Variants in ARSJ observed in about 807,000 individuals in gnomAD.
ARSJ encodes arylsulfatase J.
In ARSJ, 26 loss-of-function variants were observed where a neutral mutation model predicts 35.9. The observed-to-expected ratio is 0.72, with a 90% CI of 0.53 to 1.00. The LOEUF (loss-of-function observed/expected upper bound fraction) is 1.00. ARSJ is among the 50% of genes least tolerant of loss of function. ARSJ has a pLI of 0.00. For missense variants in ARSJ, 667 were observed against 723.6 expected (o/e 0.92, Z 0.90); for synonymous variants, 294 against 267.6 (o/e 1.10, Z -0.96).
At position 113,902,570 on chromosome 4, in the gene ARSJ, G is replaced by A; in HGVS notation, c.1504C>T (p.Pro502Ser). Residue 502 changes from proline to serine, a missense_variant, in exon 2 of 2, where the codon CCA (proline) becomes TCA (serine). By Grantham distance (74) the Pro-to-Ser change is moderately conservative (BLOSUM62 -1). Transcript: ENST00000315366. Reference protein sequence around the residue: ...SVWLFNITADPYERVDLSNRY... With the variant: ...SVWLFNITADSYERVDLSNRY... ...TTAGATAGGTCCACCCTCTCATATG[G>A]GTCGGCTGTGATGTTGAAAAGCCAT... 4 of 1,614,100 alleles carry A rather than the reference G, an allele frequency of 2.5e-6. No homozygotes were observed. Among genetic ancestry groups the A allele is most frequent in the Non-Finnish European group, 3.4e-6 (4 of 1,180,030 alleles).
intron 1 of ARSJ, among the ~76,000 whole-genome samples, chr4:113,922,823 AC>A (rs1723769001): frequency 6.6e-6 from 1 of 152,196 alleles, no homozygotes; most frequent in African/African-American, 2.4e-5. Flanking sequence ...TGTACTACAT[AC>A]AAAAATGTTA....
At chr4:113,913,725 A>T (rs1006748265) in intron 1 of ARSJ, among the ~76,000 whole-genome samples, 1 of 152,176 alleles carries the variant, frequency 6.6e-6, no homozygotes, top group African/African-American at 2.4e-5. Context: ...TTTCAATATG[A>T]CTACAGAATA....
Position 113,902,462 on chromosome 4 carries a change from T to TG in ARSJ, c.1611dup (p.Lys538GlnfsTer6), listed in dbSNP as rs1262094668. ...AGCCTAGGGTTACTTCTGGGGTCTT[T>TG]GGGGGGATACCTGACCGGCACTGCA... is the stretch of plus-strand genomic sequence containing the variant. On this transcript the variant is annotated frameshift_variant, in exon 2 of 2. Coordinates refer to ENST00000315366, the MANE Select transcript of ARSJ (RefSeq NM_024590.4). LOFTEE classifies it low-confidence loss of function (END_TRUNC). 21 of 1,613,954 alleles carry TG rather than the reference T, an allele frequency of 1.3e-5. No homozygotes were observed. The highest frequency in any genetic ancestry group is 2.2e-5 in the South Asian group (2 of 91,076).
At chr4:113,958,944 C>T (rs1276225857) in intron 1 of ARSJ, among the ~76,000 whole-genome samples, 1 of 152,046 alleles carries the variant, frequency 6.6e-6, no homozygotes, top group Non-Finnish European at 1.5e-5. Flanking sequence ...ACGCAGGCTA[C>T]ACCCACTCTT....
chr4:113,970,967 A>G (rs1317407662), intron 1 of ARSJ: 1 of 152,104 alleles, frequency 6.6e-6, no homozygotes, highest in Non-Finnish European at 1.5e-5. Context: ...AAAACAGTAA[A>G]AAAATAAAAA....
In ARSJ at chr4:113,901,482, AAAG is replaced by A. The variant is rs2099667024; in HGVS notation, c.*789_*791del. ...GGTATGCAGGAAATAAAAATAAAAT[AAAG>A]TCATTTGCATAACTTTTTATAAAAA... On this transcript the variant is annotated 3_prime_UTR_variant, in exon 2 of 2. Transcript: ENST00000315366. The A allele has an allele frequency of 7.2e-5, 2 of 27,774 alleles. No individual in the cohort carries two copies. The highest frequency in any genetic ancestry group is 1.1e-4 in the African/African-American group (2 of 19,028). 1.7% of individuals were successfully genotyped at this position (27,774 alleles called of 1,614,324 possible).
intron 1 of ARSJ, among the ~76,000 whole-genome samples, chr4:113,952,482 C>A (rs62314636): frequency 0.035 from 5,386 of 152,088 alleles, 158 homozygotes; most frequent in Non-Finnish European, 0.056. Flanking sequence ...TATTTTCATA[C>A]GCATATCAAT....
intron 1 of ARSJ, among the ~76,000 whole-genome samples, chr4:113,919,948 GA>G (rs1170722344): frequency 1.3e-5 from 2 of 148,650 alleles, no homozygotes; most frequent in Admixed American, 1.3e-4. Context: ...TTTTATTAAA[GA>G]TTTTTTTTTT....
chr4:113,949,901 C>A (rs1271455132), intron 1 of ARSJ, among the ~76,000 whole-genome samples: 1 of 152,032 alleles, frequency 6.6e-6, no homozygotes, highest in Non-Finnish European at 1.5e-5. Flanking sequence ...AAGAGCATTG[C>A]TATGGCACAC....
chr4:113,953,428 T>C (rs1725982216), intron 1 of ARSJ, among the ~76,000 whole-genome samples: 1 of 152,120 alleles, frequency 6.6e-6, no homozygotes, highest in African/African-American at 2.4e-5. Context: ...TTAATACATT[T>C]CATTTTCTTT....
At chr4:113,971,078 T>C (rs969819449) in intron 1 of ARSJ, 1 of 152,010 alleles carries the variant, frequency 6.6e-6, no homozygotes, top group Admixed American at 6.5e-5. Context: ...AATGCCTCAA[T>C]GAGGTAACAC....
At chr4:113,908,308 G>A (rs986889817) in intron 1 of ARSJ, among the ~76,000 whole-genome samples, 5 of 91,116 alleles carry the variant, frequency 5.5e-5, no homozygotes, top group African/African-American at 1.3e-4. Flanking sequence ...AAATACTAAA[G>A]TATTGAGGGT....
chr4:113,939,687 C>G (rs1451259925), intron 1 of ARSJ, among the ~76,000 whole-genome samples: 1 of 151,848 alleles, frequency 6.6e-6, no homozygotes, highest in African/African-American at 2.4e-5. Context: ...TTTCATGTGT[C>G]TTTTGGCTGC....
At chr4:113,927,322 T>G (rs1245784300) in intron 1 of ARSJ, among the ~76,000 whole-genome samples, 1 of 152,178 alleles carries the variant, frequency 6.6e-6, no homozygotes, top group Non-Finnish European at 1.5e-5. Context: ...TAGTTGGATT[T>G]ATTTCCCATC....
intron 1 of ARSJ, among the ~76,000 whole-genome samples, chr4:113,973,677 G>A (rs998848280): frequency 1.3e-5 from 2 of 152,028 alleles, no homozygotes; most frequent in Non-Finnish European, 1.5e-5. Context: ...GCCCTCTCTC[G>A]TTAAACCTTC....
Position 113,978,841 on chromosome 4 carries a change from A to G in ARSJ, c.-7T>C. The G allele has an allele frequency of 2.5e-6, 4 of 1,589,158 alleles. No homozygotes were observed. Among genetic ancestry groups the G allele is most frequent in the Admixed American group, 1.8e-5 (1 of 55,578 alleles). On this transcript the variant is annotated 5_prime_UTR_variant, in exon 1 of 2. Coordinates refer to ENST00000315366, the MANE Select transcript of ARSJ (RefSeq NM_024590.4). ...CACAGCCCCTGGGAGCCATTCACTC[A>G]GGTCCCAGGTGAGACTCCACGCGGA...
At chr4:113,909,362 G>C (rs1036645488) in intron 1 of ARSJ, among the ~76,000 whole-genome samples, 2 of 152,120 alleles carry the variant, frequency 1.3e-5, no homozygotes, top group African/African-American at 4.8e-5. Context: ...CATTTGCCAA[G>C]GATTTTGTAA....
chr4:113,937,588 G>A (rs191734077), intron 1 of ARSJ, among the ~76,000 whole-genome samples: 1 of 152,148 alleles, frequency 6.6e-6, no homozygotes, highest in African/African-American at 2.4e-5. Flanking sequence ...TAGAAACAGA[G>A]GAGGTCAAAT....
At chr4:113,965,013 T>C (rs1240647608) in intron 1 of ARSJ, among the ~76,000 whole-genome samples, 1 of 152,182 alleles carries the variant, frequency 6.6e-6, no homozygotes, top group Non-Finnish European at 1.5e-5. Context: ...GAACTAGGTA[T>C]TACTTCAAAA....
Sources: gnomAD v4.1 joint callset for allele counts (sites outside exome capture counted in the v4.1 genomes callset) on GRCh38, gnomAD v4.1.1 for gene constraint, MANE v1.5 for transcripts, NCBI Gene and HGNC (gene_info 2026-07-23, HGNC 2026-07-21) for gene names.